The following ARID1B variants were observed in gnomAD, a reference collection of about 807,000 sequenced individuals.
ARID1B encodes the protein AT-rich interactive domain-containing protein 1B.
ARID1B carries 30 observed loss-of-function variants against 212.3 expected under a neutral mutation model. The observed-to-expected ratio is 0.14, with a 90% confidence interval of 0.11 to 0.19. ARID1B has a LOEUF of 0.19. Ranked by LOEUF, ARID1B falls within the 10% of genes least tolerant of loss-of-function variation. The pLI is 1.00. For synonymous variants in ARID1B, 1,402 were observed against 1,301.7 expected (o/e 1.08, Z -1.66); for missense variants, 2,891 against 3,204.0 (o/e 0.90, Z 2.36).
At chr6:157,154,341 G>A (rs971936749) in intron 8 of ARID1B, among the ~76,000 whole-genome samples, 4 of 152,046 alleles carry the variant, frequency 2.6e-5, no homozygotes, top group Non-Finnish European at 5.9e-5. Flanking sequence ...ATTCTGGCAG[G>A]GATCTTTAAG....
intron 4 of ARID1B, among the ~76,000 whole-genome samples, chr6:157,054,549 G>T (rs972055749): frequency 2.0e-5 from 3 of 152,076 alleles, no homozygotes; most frequent in Non-Finnish European, 4.4e-5. Flanking sequence ...AGGAAGTGAG[G>T]CTCATGGAAG....
chr6:156,776,996 T>G (rs970121819), upstream of ARID1B: 1 of 152,306 alleles, frequency 6.6e-6, no homozygotes, highest in Non-Finnish European at 1.5e-5. Flanking sequence ...GTCGGCTCCT[T>G]GTAACCTCTG....
At chr6:156,994,534 A>C (rs1583102099) in intron 4 of ARID1B, among the ~76,000 whole-genome samples, 2 of 152,154 alleles carry the variant, frequency 1.3e-5, no homozygotes, top group Admixed American at 1.3e-4. Flanking sequence ...TGCTTTTCCT[A>C]GGTAAAAACC....
At chr6:156,917,175 G>A (rs1043229709) in intron 3 of ARID1B, among the ~76,000 whole-genome samples, 1 of 152,066 alleles carries the variant, frequency 6.6e-6, no homozygotes, top group African/African-American at 2.4e-5. Context: ...AAAAACCTTA[G>A]TGTAAAGCAG....
At chr6:156,777,083 T>C (rs1778663645), upstream of ARID1B, 1 of 152,248 alleles carries the variant, frequency 6.6e-6, no homozygotes, top group African/African-American at 2.4e-5. Flanking sequence ...CACCTTTGTA[T>C]CGTTCCTTTT....
chr6:156,787,542 A>G (rs891564978), intron 1 of ARID1B, among the ~76,000 whole-genome samples: 2 of 152,172 alleles, frequency 1.3e-5, no homozygotes, highest in Non-Finnish European at 2.9e-5. Flanking sequence ...CCACCTTTTA[A>G]GATTCAGTGA....
At chr6:156,897,667 A>AT (rs1562468993) in intron 2 of ARID1B, among the ~76,000 whole-genome samples, 2 of 150,742 alleles carry the variant, frequency 1.3e-5, no homozygotes, top group African/African-American at 2.4e-5. Context: ...GGTTTTAAAA[A>AT]ATATATATAT....
chr6:156,835,511 T>C (rs371600092), intron 2 of ARID1B, among the ~76,000 whole-genome samples: 1 of 152,172 alleles, frequency 6.6e-6, no homozygotes, highest in African/African-American at 2.4e-5. Flanking sequence ...GGAAAGCTGC[T>C]TTTATATTAG....
At chr6:156,804,816 C>G (rs1321247292) in intron 1 of ARID1B, among the ~76,000 whole-genome samples, 2 of 117,280 alleles carry the variant, frequency 1.7e-5, no homozygotes, top group Non-Finnish European at 1.7e-5. Context: ...TTCCAGGGGT[C>G]ATAGAAACCA....
At chr6:157,174,221 C>T (rs1043083915) in intron 10 of ARID1B, 104 bp downstream of exon 10, 11 of 929,752 alleles carry the variant, frequency 1.2e-5, no homozygotes, top group Admixed American at 2.0e-5. Context: ...TTCATTTGGT[C>T]TCCTCTGCAT....
intron 3 of ARID1B, among the ~76,000 whole-genome samples, chr6:156,907,615 T>TG (rs1789504940): frequency 6.6e-6 from 1 of 151,884 alleles, no homozygotes; most frequent in Non-Finnish European, 1.5e-5. Context: ...GCTTTGAAAA[T>TG]GAATTGGAGG....
intron 4 of ARID1B, among the ~76,000 whole-genome samples, chr6:157,073,394 G>A (rs979478118): frequency 5.9e-5 from 9 of 151,850 alleles, no homozygotes; most frequent in South Asian, 2.1e-4. Flanking sequence ...GTGAGCCACC[G>A]CGCCTGGCCC....
At chr6:157,122,801 C>T (rs1478850696) in intron 6 of ARID1B, among the ~76,000 whole-genome samples, 5 of 152,154 alleles carry the variant, frequency 3.3e-5, no homozygotes, top group Non-Finnish European at 5.9e-5. Flanking sequence ...GCCTCAGCCT[C>T]CCAAGTAGCT....
At chr6:157,056,852 CTT>C (rs140342301) in intron 4 of ARID1B, among the ~76,000 whole-genome samples, 1 of 149,046 alleles carries the variant, frequency 6.7e-6, no homozygotes. Context: ...CTTTTTTTAA[CTT>C]TTTTTGTTAA....
At chr6:156,907,398 TATA>T (rs1258515648) in intron 3 of ARID1B, among the ~76,000 whole-genome samples, 1 of 152,212 alleles carries the variant, frequency 6.6e-6, no homozygotes, top group Non-Finnish European at 1.5e-5. Context: ...TGTTTTTACT[TATA>T]ATCTGTTTTT....
At chr6:156,802,506 G>T (rs935696929) in intron 1 of ARID1B, among the ~76,000 whole-genome samples, 1 of 152,138 alleles carries the variant, frequency 6.6e-6, no homozygotes, top group Admixed American at 6.5e-5. Context: ...AATATCAAAT[G>T]TTAATTTAAG....
chr6:157,096,774 C>G (rs928394292), intron 5 of ARID1B, among the ~76,000 whole-genome samples: 4 of 152,218 alleles, frequency 2.6e-5, no homozygotes, highest in African/African-American at 7.2e-5. Flanking sequence ...TGCTCTCCCC[C>G]CAGCAACCTC....
intron 2 of ARID1B, among the ~76,000 whole-genome samples, chr6:156,860,989 ATTCC>A (rs1785290920): frequency 6.6e-6 from 1 of 152,214 alleles, no homozygotes; most frequent in African/African-American, 2.4e-5. Context: ...AAAGATACAC[ATTCC>A]AGGCCCTCAG....
intron 9 of ARID1B, among the ~76,000 whole-genome samples, chr6:157,172,518 C>A (rs866717247): frequency 1.3e-5 from 2 of 152,154 alleles, no homozygotes; most frequent in African/African-American, 4.8e-5. Flanking sequence ...CAAGCCAATG[C>A]GCCCGTGGAA....
Sources: allele counts gnomAD v4.1 joint callset (sites outside exome capture counted in the v4.1 genomes callset), GRCh38; gene constraint gnomAD v4.1.1; transcripts MANE v1.5; gene names NCBI Gene and HGNC (gene_info 2026-07-23, HGNC 2026-07-21).